The following HGS variants were observed in gnomAD, a reference collection of about 807,000 sequenced individuals.
The protein encoded by HGS is human growth factor-regulated tyrosine kinase substrate.
In HGS, 63 loss-of-function variants were observed where a neutral mutation model predicts 109.7. The observed-to-expected ratio is 0.57, with a 90% CI of 0.47 to 0.71. The LOEUF (loss-of-function observed/expected upper bound fraction) is 0.71. HGS is among the 30% of genes least tolerant of loss of function. HGS has a pLI of 0.00. For missense variants in HGS, 995 were observed against 1,068.3 expected (o/e 0.93, Z 0.96); for synonymous variants, 546 against 437.3 (o/e 1.25, Z -3.10).
intron 7 of HGS, chr17:81,690,958 T>C (rs1312868439): frequency 1.3e-4 from 69 of 538,418 alleles, no homozygotes; most frequent in Non-Finnish European, 2.6e-5. Flanking sequence ...AGCCTCACTC[T>C]GGAATTATAA....
chr17:81,690,506 G>A (rs2037047154), intron 6 of HGS, 168 bp from the exon 7 acceptor site: 1 of 647,612 alleles, frequency 1.5e-6, no homozygotes, highest in Admixed American at 3.0e-5. Context: ...TCAGGCCTCG[G>A]CAGCTTCACC....
rs1192790954 is a variant in HGS, at chr17:81,690,674, G to A, written c.469G>A (p.Ala157Thr). Residue 157 changes from alanine to threonine, a missense_variant and splice_region_variant, in exon 7 of 22, where the codon GCC (alanine) becomes ACC (threonine). By Grantham distance (58) the Ala-to-Thr change is moderately conservative. Transcript: ENST00000329138. Reference protein sequence around the residue: ...ESDAMFAAERAPDWVDAEECH... With the variant: ...ESDAMFAAERTPDWVDAEECH... ...GGTCCTGACTGCTGCCCCTCCTCAG[G>A]CCCCAGACTGGGTGGACGCTGAGGA... 1.2e-6 allele frequency: 2 copies of A among 1,612,138 alleles called. No homozygotes were observed. The highest frequency in any genetic ancestry group is 1.3e-5 in the African/African-American group (1 of 74,888).
In HGS at chr17:81,700,551, C is replaced by T. The variant is rs2037219987; in HGVS notation, c.1967C>T (p.Ala656Val). The part of the protein sequence containing the change: ...AAPQAQAGPT[A>V]SPAYSSYQPT... ...CCCCAGGCCCAGGCCGGACCCACCG[C>T]CAGCCCCGCTTACTCATCCTACCAG... The change falls in exon 19 of 22, where the codon GCC (alanine) becomes GTC (valine). Residue 656 changes from alanine to valine, a missense_variant. Ala to Val is a moderately conservative substitution (Grantham distance 64). Coordinates refer to ENST00000329138, the MANE Select transcript of HGS (RefSeq NM_004712.5). 6.2e-7 allele frequency: 1 copy of T among 1,610,952 alleles called. No homozygotes were observed. The highest frequency in any genetic ancestry group is 1.7e-5 in the Admixed American group (1 of 59,706).
In HGS at chr17:81,700,580, A is replaced by G. The variant is rs201224891; in HGVS notation, c.1996A>G (p.Thr666Ala). The change falls in exon 19 of 22, where the codon ACT (threonine) becomes GCT (alanine). Residue 666 changes from threonine (T) to alanine (A), a missense_variant. By Grantham distance (58) the Thr-to-Ala change is moderately conservative (BLOSUM62 0). Around this residue, in one of 6 missense-constraint regions of HGS, gnomAD observed 326 missense variants for 309.7 expected, o/e 1.05. Transcript: ENST00000329138. The part of the protein sequence containing the change: ...ASPAYSSYQP[T>A]PTAGYQNVAS... ...CCCCGCTTACTCATCCTACCAGCCT[A>G]CTCCCACAGCGGGCTACCAGGTACA... 1 of 1,607,404 alleles carries G rather than the reference A, an allele frequency of 6.2e-7. No individual in the cohort carries two copies. The highest frequency in any genetic ancestry group is 2.2e-5 in the East Asian group (1 of 44,790).
chr17:81,695,720 C>A, intron 14 of HGS, 66 bp from the exon 15 acceptor site: 1 of 1,481,822 alleles, frequency 6.7e-7, no homozygotes, highest in Non-Finnish European at 9.4e-7. Context: ...GCCTCCATCC[C>A]AGGCCCCACC....
chr17:81,697,581 CA>C (rs2037174358), intron 18 of HGS: 1 of 150,098 alleles, frequency 6.7e-6, no homozygotes, highest in African/African-American at 2.5e-5. Flanking sequence ...CGGGGTCTGC[CA>C]GGGGTTTTCA....
chr17:81,693,500 C>T lies in HGS; in HGVS notation c.663-3C>T, dbSNP rs1345496369. Reference sequence around the variant, plus strand: ...TGACCTGCAGCATTCCTTGTGCCCACAGGAAAGCGGAGGGAAAGGCCACTT... The same window carrying T: ...TGACCTGCAGCATTCCTTGTGCCCATAGGAAAGCGGAGGGAAAGGCCACTT... On this transcript the variant is annotated splice_polypyrimidine_tract_variant and splice_region_variant and intron_variant, in intron 8 of 21. Transcript: ENST00000329138. The T allele has an allele frequency of 2.5e-6, 4 of 1,611,460 alleles. No homozygotes were observed. The highest frequency in any genetic ancestry group is 3.3e-4 in the Middle Eastern group (2 of 6,054).
intron 14 of HGS, chr17:81,695,553 G>C (rs1376008496): frequency 1.0e-5 from 6 of 601,088 alleles, no homozygotes; most frequent in Admixed American, 5.9e-5. Context: ...TCCCTGGAGA[G>C]GGAGCTGGCA....
chr17:81,701,585 G>A lies in HGS; in HGVS notation c.2301G>A (p.Gln767=). 1 of 1,569,632 alleles carries A rather than the reference G, an allele frequency of 6.4e-7. No individual in the cohort carries two copies. The part of the protein sequence containing the change: ...QQPQAQGPPA[Q]GSEAQLISFD ...CGCAGGCACAGGGGCCGCCGGCACA[G>A]GGCAGCGAGGCCCAGCTCATTTCAT... is the stretch of plus-strand genomic sequence containing the variant. Residue 767 remains glutamine (Q), a synonymous_variant, in exon 22 of 22, where the codon CAG becomes CAA. Transcript: ENST00000329138.
chr17:81,694,992 A>C lies in HGS; in HGVS notation c.1044A>C (p.Pro348=). The change falls in exon 13 of 22, where the codon CCA becomes CCC. Residue 348 remains proline (P), a synonymous_variant. Coordinates refer to ENST00000329138, the MANE Select transcript of HGS (RefSeq NM_004712.5). ...AGGAGGCTCGCAAGAGCCCCACGCC[A>C]TCTGCGCCCGTGCCCCTGACGGAGC... ...KQEEARKSPT[P]SAPVPLTEPA... 6.2e-7 allele frequency: 1 copy of C among 1,614,088 alleles called. No individual in the cohort carries two copies. Among genetic ancestry groups the C allele is most frequent in the Admixed American group, 1.7e-5 (1 of 60,032 alleles).
At position 81,684,931 on chromosome 17, in the gene HGS, C is replaced by T. The variant is rs139103118; in HGVS notation, c.38-674C>T. On this transcript the variant is annotated intron_variant, in intron 1 of 21. Transcript: ENST00000329138. ...CAGGGATGAATCCAGAGGTTAACTA[C>T]TGAATCAGTATAGAAAGTGGACGTG... The T allele has an allele frequency of 1.8e-4, 179 of 985,380 alleles. 2 individuals are homozygous for T. The East Asian group carries it at 0.011, about 61-fold the overall frequency. 61.0% of individuals were successfully genotyped at this position (985,380 alleles called of 1,614,324 possible).
intron 18 of HGS, among the ~76,000 whole-genome samples, chr17:81,699,892 T>C (rs1446926781): frequency 1.4e-5 from 2 of 143,614 alleles, no homozygotes; most frequent in African/African-American, 5.2e-5. Flanking sequence ...CTGACCAACA[T>C]GGTGAAACCC....
intron 18 of HGS, 102 bp downstream of exon 18, chr17:81,697,100 T>G (rs2037163411): frequency 7.9e-7 from 1 of 1,263,812 alleles, no homozygotes. Context: ...GTTTTCCCAG[T>G]TGCCCCGATG....
In HGS at chr17:81,697,357, C is replaced by A. The variant is rs1054130058; in HGVS notation, c.1882+359C>A. ...CCTGCTGCGTGGCATTTGCCCCCCC[C>A]CCCCCCGCCTTTAATCTAGAGTGTT... On this transcript the variant is annotated intron_variant, in intron 18 of 21. Coordinates refer to ENST00000329138, the MANE Select transcript of HGS (RefSeq NM_004712.5). 1.2e-3 allele frequency: 188 copies of A among 154,692 alleles called. 7 individuals carry two copies. The South Asian group carries it at 0.015, about 12-fold the overall frequency. 9.6% of individuals were successfully genotyped at this position (154,692 alleles called of 1,614,324 possible). A position where few individuals can be genotyped will look rare whatever the true frequency, so the allele number is the denominator to read the frequency against.
Position 81,693,656 on chromosome 17 carries a change from GCCC to G in HGS, c.748_750del (p.Pro250del). ...TCACCCTCCCCGCTTGTCCTCAGCT[GCCC>G]CCCAAGAGGGACGAGACGGCCCTGC... On this transcript the variant is annotated inframe_deletion, in exon 10 of 22. Coordinates refer to ENST00000329138, the MANE Select transcript of HGS (RefSeq NM_004712.5). 2.6e-6 allele frequency: 4 copies of G among 1,548,048 alleles called. No individual in the cohort carries two copies. The highest frequency in any genetic ancestry group is 3.5e-6 in the Non-Finnish European group (4 of 1,143,894).
intron 4 of HGS, among the ~76,000 whole-genome samples, chr17:81,687,929 G>A (rs968205872): frequency 6.6e-6 from 1 of 152,234 alleles, no homozygotes; most frequent in Non-Finnish European, 1.5e-5. Flanking sequence ...CTGGCTGAGA[G>A]GCGGAAGGTG....
intron 5 of HGS, 83 bp downstream of exon 5, chr17:81,688,910 C>T: frequency 1.3e-6 from 2 of 1,557,490 alleles, no homozygotes; most frequent in Non-Finnish European, 1.8e-6. Context: ...GGCGAGGGGC[C>T]TGGGAAGATG....
rs527365594 is a variant in HGS, at chr17:81,690,757, G to T, written c.537+15G>T. 6.2e-6 allele frequency: 10 copies of T among 1,609,012 alleles called. No individual in the cohort carries two copies. The highest frequency in any genetic ancestry group is 7.6e-6 in the Non-Finnish European group (9 of 1,177,404). ...TGACCCGTAAGGTGAGTTCCCACCT[G>T]GGGGGCTCTACAGCCCCGGCCAGAC... On this transcript the variant is annotated intron_variant, in intron 7 of 21. Transcript: ENST00000329138.
At chr17:81,684,856 G>A in intron 1 of HGS, 1 of 975,558 alleles carries the variant, frequency 1.0e-6, no homozygotes, top group Non-Finnish European at 1.2e-6. Flanking sequence ...CTTGCCAAGG[G>A]AACCAGCAAG....
Sources: gnomAD v4.1 joint callset for allele counts (sites outside exome capture counted in the v4.1 genomes callset) on GRCh38, gnomAD v4.1.1 for gene constraint, gnomAD v4.1.1 regional missense constraint, MANE v1.5 for transcripts, NCBI Gene and HGNC (gene_info 2026-07-23, HGNC 2026-07-21) for gene names.